The following MRTFB variants were observed in gnomAD, a reference collection of about 807,000 sequenced individuals.
The protein encoded by MRTFB is myocardin related transcription factor B.
In MRTFB, 29 loss-of-function variants were observed where a neutral mutation model predicts 104.2. That is an observed-to-expected ratio of 0.28 (90% CI 0.21 to 0.38). The LOEUF (loss-of-function observed/expected upper bound fraction) is 0.38. Ranked by LOEUF, MRTFB falls within the 10% of genes least tolerant of loss-of-function variation. MRTFB has a pLI of 1.00. For missense variants in MRTFB, 1,270 were observed against 1,341.6 expected (o/e 0.95, Z 0.83); for synonymous variants, 535 against 519.5 (o/e 1.03, Z -0.41).
At chr16:14,225,507 G>C (rs988118656) in intron 8 of MRTFB, among the ~76,000 whole-genome samples, 1 of 152,084 alleles carries the variant, frequency 6.6e-6, no homozygotes, top group African/African-American at 2.4e-5. Context: ...CTGTGAACAG[G>C]CATATGCAAA....
At chr16:14,052,144 T>C in the MRTFB span, among the ~76,000 whole-genome samples, 4 of 151,962 alleles carry the variant, frequency 2.6e-5, no homozygotes, top group Admixed American at 6.6e-5. Context: ...GGGTTTTGCA[T>C]GGGGGGGTGC....
intron 16 of MRTFB, among the ~76,000 whole-genome samples, chr16:14,258,928 T>G (rs2043634953): frequency 6.6e-6 from 1 of 152,190 alleles, no homozygotes; most frequent in African/African-American, 2.4e-5. Flanking sequence ...AAAAAAAAAT[T>G]CCTGGATAGT....
At chr16:14,022,835 T>C in the MRTFB span, among the ~76,000 whole-genome samples, 2 of 150,378 alleles carry the variant, frequency 1.3e-5, no homozygotes, top group East Asian at 1.9e-4. Flanking sequence ...TGGCTGGGAT[T>C]ACAGGCGCCT....
chr16:13,996,565 A>T, the MRTFB span, among the ~76,000 whole-genome samples: 1 of 152,246 alleles, frequency 6.6e-6, no homozygotes, highest in Non-Finnish European at 1.5e-5. Context: ...TGGGTGACAA[A>T]ATACAGCAGT....
At chr16:14,247,809 C>T (rs1367878728) in intron 12 of MRTFB, 3 of 309,766 alleles carry the variant, frequency 9.7e-6, no homozygotes, top group East Asian at 6.4e-5. Flanking sequence ...CATAGTCTGC[C>T]GCTGAGCACT....
At chr16:14,059,487 G>A in the MRTFB span, among the ~76,000 whole-genome samples, 2 of 152,108 alleles carry the variant, frequency 1.3e-5, no homozygotes, top group Non-Finnish European at 1.5e-5. Flanking sequence ...TAGGATGCTA[G>A]TCAGATGACC....
intron 9 of MRTFB, among the ~76,000 whole-genome samples, chr16:14,235,203 G>A (rs2042443324): frequency 6.6e-6 from 1 of 152,160 alleles, no homozygotes; most frequent in Non-Finnish European, 1.5e-5. Context: ...TAAGTCGCCG[G>A]GACTGTCCCT....
chr16:14,180,650 C>T (rs1379254191), intron 3 of MRTFB, among the ~76,000 whole-genome samples: 1 of 152,234 alleles, frequency 6.6e-6, no homozygotes, highest in Non-Finnish European at 1.5e-5. Context: ...CGCAAGCTGT[C>T]CTCTGCCTGT....
chr16:14,028,919 A>G, the MRTFB span, among the ~76,000 whole-genome samples: 3 of 152,196 alleles, frequency 2.0e-5, no homozygotes, highest in African/African-American at 7.2e-5. Flanking sequence ...GGTTGGCCCC[A>G]GCATCGTGGA....
At chr16:14,043,439 G>A in the MRTFB span, among the ~76,000 whole-genome samples, 13 of 152,088 alleles carry the variant, frequency 8.5e-5, no homozygotes, top group East Asian at 2.5e-3. Flanking sequence ...TCTCGGTGCT[G>A]TGGTCCTGTG....
chr16:14,151,164 T>G (rs2038595470), intron 3 of MRTFB: 2 of 152,242 alleles, frequency 1.3e-5, no homozygotes, highest in African/African-American at 2.4e-5. Context: ...TGATTTACAT[T>G]GCTCATCTAT....
chr16:14,058,254 G>A, the MRTFB span, among the ~76,000 whole-genome samples: 2 of 152,178 alleles, frequency 1.3e-5, no homozygotes, highest in South Asian at 2.1e-4. Flanking sequence ...ATCCGTTCTC[G>A]GAAGGAATCT....
Position 14,140,673 on chromosome 16 carries a change from C to T in MRTFB, c.67C>T (p.Pro23Ser). 6.2e-7 allele frequency: 1 copy of T among 1,614,154 alleles called. No homozygotes were observed. The highest frequency in any genetic ancestry group is 8.5e-7 in the Non-Finnish European group (1 of 1,180,028). ...VGPLAHLAPSPQSEAVAHEFQ... is the reference protein window; with the variant it reads ...VGPLAHLAPSSQSEAVAHEFQ... ...ACCTTTAGCCCATCTTGCTCCAAGT[C>T]CTCAGAGTGAAGCTGTGGCTCATGA... Residue 23 changes from proline (P) to serine (S), a missense_variant, in exon 3 of 17, where the codon CCT becomes TCT. By Grantham distance (74) the Pro-to-Ser change is moderately conservative (BLOSUM62 -1). Coordinates refer to ENST00000571589, the MANE Select transcript of MRTFB (RefSeq NM_001308142.2).
Position 14,240,422 on chromosome 16 carries a change from G to A in MRTFB, c.1017G>A (p.Leu339=), listed in dbSNP as rs774018211. 2 of 1,614,220 alleles carry A rather than the reference G, an allele frequency of 1.2e-6. No homozygotes were observed. The highest frequency in any genetic ancestry group is 1.7e-6 in the Non-Finnish European group (2 of 1,180,038). The change falls in exon 10 of 17, where the codon CTG becomes CTA. Residue 339 remains leucine, a synonymous_variant. Transcript: ENST00000571589. ...AGCAGCAGCAGCTGTTCCTGCAACT[G>A]CAGATCCTGAGTCAGCAGAAGCAGC... The part of the protein sequence containing the change: ...LLQQQQLFLQ[L]QILSQQKQHY...
At chr16:14,239,508 A>G (rs1361515032) in intron 9 of MRTFB, among the ~76,000 whole-genome samples, 2 of 152,188 alleles carry the variant, frequency 1.3e-5, no homozygotes, top group Admixed American at 6.5e-5. Flanking sequence ...ATACTTTCGT[A>G]TATTTTCTTT....
At chr16:14,016,773 C>CAAAAAAAA in the MRTFB span, among the ~76,000 whole-genome samples, 1 of 60,458 alleles carries the variant, frequency 1.7e-5, no homozygotes, top group African/African-American at 6.5e-5. Flanking sequence ...AACTCTGCCT[C>CAAAAAAAA]AAAAAAAAAA....
At chr16:14,212,574 A>T (rs1439265897) in intron 5 of MRTFB, among the ~76,000 whole-genome samples, 165 bp downstream of exon 5, 2 of 152,218 alleles carry the variant, frequency 1.3e-5, no homozygotes, top group African/African-American at 2.4e-5. Context: ...GGATAGTTTG[A>T]TCTGGAGGTT....
chr16:14,231,476 T>C (rs914095738), intron 8 of MRTFB, among the ~76,000 whole-genome samples: 11 of 152,172 alleles, frequency 7.2e-5, no homozygotes, highest in South Asian at 2.1e-4. Context: ...TAGATTCTTT[T>C]GTCACCCAGG....
At chr16:14,124,955 T>C (rs2037036707) in intron 2 of MRTFB, among the ~76,000 whole-genome samples, 1 of 152,268 alleles carries the variant, frequency 6.6e-6, no homozygotes, top group Non-Finnish European at 1.5e-5. Context: ...TTGTGTTTTC[T>C]GCGTACCTTG....
Sources: allele counts gnomAD v4.1 joint callset (sites outside exome capture counted in the v4.1 genomes callset), GRCh38; gene constraint gnomAD v4.1.1; transcripts MANE v1.5; gene names NCBI Gene and HGNC (gene_info 2026-07-23, HGNC 2026-07-21).